Variants in DRAXIN observed in about 807,000 individuals in gnomAD.
DRAXIN encodes the protein dorsal inhibitory axon guidance protein.
A neutral mutation model predicts 33.9 loss-of-function variants in DRAXIN; 27 were observed. The observed-to-expected ratio is 0.80, with a 90% CI of 0.59 to 1.10. DRAXIN has a LOEUF of 1.10. Ranked by LOEUF, DRAXIN falls within the 50% of genes least tolerant of loss-of-function variation. The pLI is 0.00. For synonymous variants in DRAXIN, 178 were observed against 194.0 expected, an observed-to-expected ratio of 0.92 and a Z score of 0.69; for missense variants, 371 against 460.8, an observed-to-expected ratio of 0.81 and a Z score of 1.78.
At chr1:11,698,071 A>C (rs1641219005) in intron 1 of DRAXIN, among the ~76,000 whole-genome samples, 1 of 151,908 alleles carries the variant, frequency 6.6e-6, no homozygotes, top group South Asian at 2.1e-4. Context: ...CCACCCACAC[A>C]CAAACCACAC....
chr1:11,707,125 C>CA (rs1404893136), intron 2 of DRAXIN, among the ~76,000 whole-genome samples: 1 of 152,160 alleles, frequency 6.6e-6, no homozygotes, highest in Non-Finnish European at 1.5e-5. Context: ...GGTGTGAACC[C>CA]AGGAGGCGGA....
chr1:11,712,716 T>A (rs1308270834), intron 5 of DRAXIN, among the ~76,000 whole-genome samples: 1 of 151,102 alleles, frequency 6.6e-6, no homozygotes, highest in Admixed American at 6.6e-5. Flanking sequence ...CTGGCCAACA[T>A]GGCGAAACCC....
At chr1:11,702,321 C>T (rs1036227253) in intron 1 of DRAXIN, among the ~76,000 whole-genome samples, 1 of 151,326 alleles carries the variant, frequency 6.6e-6, no homozygotes, top group Non-Finnish European at 1.5e-5. Flanking sequence ...CACACGCTCA[C>T]GCACATGCTA....
At chr1:11,712,824 A>C (rs1406429448) in intron 5 of DRAXIN, among the ~76,000 whole-genome samples, 1 of 151,716 alleles carries the variant, frequency 6.6e-6, no homozygotes, top group Non-Finnish European at 1.5e-5. Flanking sequence ...AATCGCTTGA[A>C]CCTGCAAGGC....
At chr1:11,700,761 C>T (rs1280242253) in intron 1 of DRAXIN, among the ~76,000 whole-genome samples, 1 of 152,200 alleles carries the variant, frequency 6.6e-6, no homozygotes, top group African/African-American at 2.4e-5. Context: ...ACCATCTGAG[C>T]AGCACTGATA....
chr1:11,688,887 G>C (rs149469552), upstream of DRAXIN, among the ~76,000 whole-genome samples: 5 of 152,276 alleles, frequency 3.3e-5, no homozygotes, highest in East Asian at 9.6e-4. This position sits in a 1 kb window ranked among gnomAD's most constrained non-coding sequence, Gnocchi z 4.6. Context: ...CCCACCAAAA[G>C]CAAGATGGCC....
In DRAXIN at chr1:11,721,077, C is replaced by G. The variant is rs12735660; in HGVS notation, c.*1381C>G. The G allele has an allele frequency of 0.46, 70,557 of 151,988 alleles. 17,545 individuals carry two copies. Among genetic ancestry groups the G allele is most frequent in the Non-Finnish European group, 0.57 (38,778 of 67,964 alleles). 9.4% of individuals were successfully genotyped at this position (151,988 alleles called of 1,614,324 possible). The stretch of plus-strand genomic sequence containing the variant: ...CTGATCATCCAGTCCTGGACAGGCA[C>G]TTTACAGTTTTCTGGAGCACTTCCC... On this transcript the variant is annotated 3_prime_UTR_variant, in exon 7 of 7. Coordinates refer to ENST00000294485, the MANE Select transcript of DRAXIN (RefSeq NM_198545.4).
chr1:11,718,209 G>A (rs1467911796), intron 6 of DRAXIN, among the ~76,000 whole-genome samples: 1 of 148,500 alleles, frequency 6.7e-6, no homozygotes, highest in Non-Finnish European at 1.5e-5. Context: ...CCAGCTACTC[G>A]AGAGGCTGAG....
upstream of DRAXIN, among the ~76,000 whole-genome samples, chr1:11,689,659 C>T (rs1482990168): frequency 2.0e-5 from 3 of 152,182 alleles, no homozygotes; most frequent in Non-Finnish European, 4.4e-5. Context: ...TTTAGCACAT[C>T]ATCAGGAAAT....
rs1439467241 is a variant in DRAXIN at position 11,720,273 on chromosome 1, T to G, written c.*577T>G. ...CAGTGCTCCTCAAACCTGAACATGCTAAGAGTCACCTGGAGGTCCAGTTAA... is the reference window on the plus strand; with the variant it reads ...CAGTGCTCCTCAAACCTGAACATGCGAAGAGTCACCTGGAGGTCCAGTTAA... On this transcript the variant is annotated 3_prime_UTR_variant, in exon 7 of 7. Transcript: ENST00000294485. 2.0e-5 allele frequency: 3 copies of G among 152,900 alleles called. No homozygotes were observed. In the East Asian group the frequency reaches 5.8e-4, roughly 30 times the overall value. The allele number at this position is 152,900 out of a possible 1,614,324, so 9.5% of individuals were successfully genotyped here.
intron 5 of DRAXIN, among the ~76,000 whole-genome samples, chr1:11,714,858 C>G (rs910269905): frequency 2.6e-5 from 4 of 152,252 alleles, no homozygotes; most frequent in African/African-American, 9.6e-5. Context: ...TGGGAGGAGA[C>G]CTCACACCAC....
At chr1:11,689,696 C>G (rs905254705), upstream of DRAXIN, among the ~76,000 whole-genome samples, 3 of 152,148 alleles carry the variant, frequency 2.0e-5, no homozygotes, top group African/African-American at 7.2e-5. Flanking sequence ...AACCAGCAAC[C>G]CTTGGTGCTG....
chr1:11,712,039 C>A, intron 4 of DRAXIN, 74 bp downstream of exon 4: 1 of 1,368,230 alleles, frequency 7.3e-7, no homozygotes, highest in South Asian at 1.2e-5. Context: ...AGGTGGGGGC[C>A]CCAGTGAGCC....
At chr1:11,719,390 C>T (rs1641625821) in intron 6 of DRAXIN, among the ~76,000 whole-genome samples, 194 bp from the exon 7 acceptor site, 1 of 152,264 alleles carries the variant, frequency 6.6e-6, no homozygotes, top group Non-Finnish European at 1.5e-5. Context: ...CTTCTCTGTT[C>T]TCCTTCCGTG....
In DRAXIN at chr1:11,719,867, G is replaced by A. The variant is rs1031305628; in HGVS notation, c.*171G>A. 3.2e-6 allele frequency: 2 copies of A among 627,234 alleles called. No homozygotes were observed. Among genetic ancestry groups the A allele is most frequent in the African/African-American group, 3.7e-5 (2 of 54,442 alleles). The allele number at this position is 627,234 out of a possible 1,614,324, so 38.9% of individuals were successfully genotyped here. On this transcript the variant is annotated 3_prime_UTR_variant, in exon 7 of 7. Coordinates refer to ENST00000294485, the MANE Select transcript of DRAXIN (RefSeq NM_198545.4). Reference sequence around the variant, plus strand: ...CGCTCGGCGAATGAGCTGGGTGGGTGCCCAGGAGCCGGCCCGCAGCACCTG... The same window carrying A: ...CGCTCGGCGAATGAGCTGGGTGGGTACCCAGGAGCCGGCCCGCAGCACCTG...
chr1:11,701,149 T>G (rs2100732845), intron 1 of DRAXIN, among the ~76,000 whole-genome samples: 1 of 152,304 alleles, frequency 6.6e-6, no homozygotes, highest in African/African-American at 2.4e-5. Context: ...TCCCAGCTGC[T>G]GGTGGCTCCT....
rs779597259 is a variant in DRAXIN, at chr1:11,709,367, A to G, written c.544A>G (p.Thr182Ala). 2 of 1,613,974 alleles carry G rather than the reference A, an allele frequency of 1.2e-6. No homozygotes were observed. Among genetic ancestry groups the G allele is most frequent in the South Asian group, 2.2e-5 (2 of 91,040 alleles). Residue 182 changes from threonine (T) to alanine (A), a missense_variant, in exon 3 of 7, where the codon ACC becomes GCC. By Grantham distance (58) the Thr-to-Ala change is moderately conservative. Transcript: ENST00000294485. ...VLDAAMEESS[T>A]SLAPTMFFLT... ...GGATGCAGCCATGGAGGAATCCTCC[A>G]CCAGCCTGGCGCCCACCATGTTCTT... is the stretch of plus-strand genomic sequence containing the variant.
intron 3 of DRAXIN, among the ~76,000 whole-genome samples, chr1:11,711,495 TG>T (rs1641495119): frequency 6.6e-6 from 1 of 152,244 alleles, no homozygotes; most frequent in East Asian, 1.9e-4. Context: ...AGTGAGTGGC[TG>T]GGCTACTTCC....
chr1:11,691,084 C>T (rs1641053951), upstream of DRAXIN, among the ~76,000 whole-genome samples: 1 of 152,228 alleles, frequency 6.6e-6, no homozygotes, highest in Non-Finnish European at 1.5e-5. Context: ...GGAGCGACCT[C>T]TCGGAGAACC....
Sources: gnomAD v4.1 joint callset for allele counts (sites outside exome capture counted in the v4.1 genomes callset) on GRCh38, gnomAD v4.1.1 for gene constraint, Gnocchi (gnomAD v3.1) non-coding constraint, MANE v1.5 for transcripts, NCBI Gene and HGNC (gene_info 2026-07-23, HGNC 2026-07-21) for gene names.